Variants in CEP152 observed in about 807,000 individuals in gnomAD.
CEP152 encodes the protein centrosomal protein of 152 kDa.
CEP152 carries 132 observed loss-of-function variants against 188.9 expected under a neutral mutation model. The observed-to-expected ratio is 0.70, with a 90% CI of 0.61 to 0.81. The LOEUF (loss-of-function observed/expected upper bound fraction) is 0.81, where lower values mean the gene tolerates loss of function less well. CEP152 is among the 30% of genes least tolerant of loss of function. The pLI, the probability that CEP152 is intolerant of heterozygous loss-of-function variation, is 0.00. For synonymous variants in CEP152, 649 were observed against 666.6 expected (o/e 0.97, Z 0.41); for missense variants, 1,914 against 1,969.8 (o/e 0.97, Z 0.54).
At chr15:48,740,880 G>A in intron 26 of CEP152, 1 of 241,626 alleles carries the variant, frequency 4.1e-6, no homozygotes, top group Non-Finnish European at 6.7e-6. Flanking sequence ...GGGAGAAGAA[G>A]AAATAAAGAG....
chr15:48,765,640 T>A (rs1895015180), intron 17 of CEP152: 1 of 255,862 alleles, frequency 3.9e-6, no homozygotes, highest in South Asian at 3.1e-5. Context: ...TTGCCAATTT[T>A]TTTTTTTTTT....
Position 48,738,828 on chromosome 15 carries a change from T to A in CEP152, c.4554A>T (p.Gly1518=), listed in dbSNP as rs1892753581. ...PRCTPGPSES[G]CMHITFRDSN... ...AATCGCGAAAGGTTATATGCATGCA[T>A]CCTGATTCAGAAGGACCAGGGGTAC... Residue 1518 remains glycine (G), a synonymous_variant, in exon 27 of 27, where the codon GGA becomes GGT. Coordinates refer to ENST00000380950, the MANE Select transcript of CEP152 (RefSeq NM_001194998.2). The A allele has an allele frequency of 1.2e-6, 2 of 1,614,102 alleles. No individual in the cohort carries two copies. Among genetic ancestry groups the A allele is most frequent in the East Asian group, 2.2e-5 (1 of 44,904 alleles).
At chr15:48,801,530 C>T (rs1292010439) in intron 2 of CEP152, among the ~76,000 whole-genome samples, 1 of 152,222 alleles carries the variant, frequency 6.6e-6, no homozygotes, top group Non-Finnish European at 1.5e-5. Flanking sequence ...CCCGTCAACA[C>T]TAAATGATCC....
At chr15:48,787,419 C>T (rs891789543) in intron 9 of CEP152, among the ~76,000 whole-genome samples, 3 of 152,044 alleles carry the variant, frequency 2.0e-5, no homozygotes, top group Admixed American at 6.6e-5. Context: ...GATCCACCTG[C>T]CTCAACCTCC....
At chr15:48,732,365 G>A (rs571731299) in intron 2 of CEP152, among the ~76,000 whole-genome samples, 32 of 152,318 alleles carry the variant, frequency 2.1e-4, no homozygotes, top group Non-Finnish European at 1.6e-4. Flanking sequence ...AAAAAAGAAT[G>A]AGATCATGTC....
Position 48,767,361 on chromosome 15 carries a change from A to C in CEP152, c.2121T>G (p.Ala707=), listed in dbSNP as rs932228459. 1 of 1,614,090 alleles carries C rather than the reference A, an allele frequency of 6.2e-7. No individual in the cohort carries two copies. Among genetic ancestry groups the C allele is most frequent in the African/African-American group, 1.3e-5 (1 of 74,940 alleles). Residue 707 remains alanine (A), a synonymous_variant, in exon 16 of 27, where the codon GCT becomes GCG. Transcript: ENST00000380950. The part of the protein sequence containing the change: ...HALEKQQLFE[A]YERTHLQLRS... ...TCAGTTGCAAATGAGTTCTCTCATA[A>C]GCCTCAAAGAGCTGCTGCTTCTCCA...
intron 2 of CEP152, among the ~76,000 whole-genome samples, chr15:48,732,823 C>A (rs948176386): frequency 8.6e-5 from 13 of 151,836 alleles, no homozygotes; most frequent in African/African-American, 3.1e-4. Flanking sequence ...TATTAAAGAG[C>A]CAAATGTGGC....
intron 17 of CEP152, among the ~76,000 whole-genome samples, chr15:48,763,602 A>G (rs927284361): frequency 6.6e-6 from 1 of 151,502 alleles, no homozygotes; most frequent in African/African-American, 2.4e-5. Flanking sequence ...TGAACTCGGG[A>G]GGTGGAGGTT....
chr15:48,750,820 T>C lies in CEP152; in HGVS notation c.3466+1529A>G, dbSNP rs61706427. Among the ~76,000 whole-genome samples the C allele has an allele frequency of 5.4e-3, 821 of 152,278 alleles. 8 individuals carry two copies. The highest frequency in any genetic ancestry group is 0.019 in the African/African-American group (791 of 41,580). ...ACTTTTTGAGGGTACATACACATAATTAAAACATTAAAAAAGACAGTAATT... is the reference window on the plus strand; with the variant it reads ...ACTTTTTGAGGGTACATACACATAACTAAAACATTAAAAAAGACAGTAATT... On this transcript the variant is annotated intron_variant, in intron 21 of 26. Coordinates refer to ENST00000380950, the MANE Select transcript of CEP152 (RefSeq NM_001194998.2).
rs753044279 is a variant in CEP152 at position 48,782,146 on chromosome 15, G to C, written c.1406C>G (p.Ala469Gly). ...AHAMSANMNK[A>G]LQEELTELKD... Reference sequence around the variant, plus strand: ...CCAAGTGGCAACACTCACTTGCAAAGCCTTGTTCATGTTTGCACTCATAGC... The same window carrying C: ...CCAAGTGGCAACACTCACTTGCAAACCCTTGTTCATGTTTGCACTCATAGC... Residue 469 changes from alanine (A) to glycine (G), a missense_variant, in exon 11 of 27, where the codon GCT (alanine) becomes GGT (glycine). Coordinates refer to ENST00000380950, the MANE Select transcript of CEP152 (RefSeq NM_001194998.2). 1.9e-6 allele frequency: 3 copies of C among 1,613,622 alleles called. No individual in the cohort carries two copies. The East Asian group carries it at 6.7e-5, about 36-fold the overall frequency.
At chr15:48,793,945 ATATTT>A (rs1222215520) in intron 6 of CEP152, among the ~76,000 whole-genome samples, 1 of 152,194 alleles carries the variant, frequency 6.6e-6, no homozygotes, top group East Asian at 1.9e-4. Context: ...CAGCCTCAAA[ATATTT>A]TATTTTAGGC....
chr15:48,756,756 T>C (rs1033807651), intron 19 of CEP152, among the ~76,000 whole-genome samples: 1 of 152,218 alleles, frequency 6.6e-6, no homozygotes, highest in Non-Finnish European at 1.5e-5. Flanking sequence ...AATATGTTTA[T>C]ATGTATGTAT....
intron 9 of CEP152, among the ~76,000 whole-genome samples, chr15:48,786,286 T>C (rs573415102): frequency 1.1e-4 from 16 of 152,090 alleles, no homozygotes; most frequent in African/African-American, 3.6e-4. Context: ...GATAGTTTAC[T>C]AGGAGAGAAT....
intron 13 of CEP152, 63 bp downstream of exon 13, chr15:48,772,424 T>G (rs1595651557): frequency 3.6e-5 from 50 of 1,397,344 alleles, no homozygotes; most frequent in Middle Eastern, 2.0e-4. Context: ...AAAAAAAAAG[T>G]GTAAAAGTTT....
In CEP152 at chr15:48,772,462, T is replaced by C. The variant is rs1487540308; in HGVS notation, c.1782+25A>G. ...TTTATTGAGCCTTTTAAAAATGGTT[T>C]TTTAACTCTATAGGCTTTACATACC... On this transcript the variant is annotated intron_variant, in intron 13 of 26. Transcript: ENST00000380950. The C allele has an allele frequency of 5.0e-6, 8 of 1,598,846 alleles. No homozygotes were observed. In the Middle Eastern group the frequency reaches 4.9e-4, roughly 99 times the overall value.
intron 12 of CEP152, among the ~76,000 whole-genome samples, chr15:48,780,808 G>A (rs1378650871): frequency 1.3e-5 from 2 of 152,130 alleles, no homozygotes; most frequent in African/African-American, 4.8e-5. Flanking sequence ...TCTATTCCCA[G>A]AGCCTTGTAT....
intron 20 of CEP152, among the ~76,000 whole-genome samples, chr15:48,753,240 C>T (rs1004605655): frequency 2.0e-5 from 3 of 152,152 alleles, no homozygotes; most frequent in African/African-American, 4.8e-5. Flanking sequence ...CCAGTTCAAG[C>T]GATTCTCCTG....
intron 23 of CEP152, among the ~76,000 whole-genome samples, chr15:48,744,688 T>G (rs890295382): frequency 2.0e-5 from 3 of 152,124 alleles, no homozygotes; most frequent in African/African-American, 7.2e-5. Flanking sequence ...AAAAACACAT[T>G]GTGCATGTGG....
Position 48,791,289 on chromosome 15 carries a change from T to A in CEP152, c.920A>T (p.Gln307Leu). 1 of 1,613,190 alleles carries A rather than the reference T, an allele frequency of 6.2e-7. No homozygotes were observed. Among genetic ancestry groups the A allele is most frequent in the Non-Finnish European group, 8.5e-7 (1 of 1,179,838 alleles). ...GKEREIQLEAQIKALETQIQA... is the reference protein window; with the variant it reads ...GKEREIQLEALIKALETQIQA... ...TATCTGAGTCTCCAGTGCTTTTATT[T>A]GAGCTTCAAGCTGTATCTCTCTTTC... The change falls in exon 8 of 27, where the codon CAA becomes CTA. Residue 307 changes from glutamine to leucine, a missense_variant. Gln to Leu is a moderately radical substitution (Grantham distance 113). Coordinates refer to ENST00000380950, the MANE Select transcript of CEP152 (RefSeq NM_001194998.2).
Sources: allele counts gnomAD v4.1 joint callset (sites outside exome capture counted in the v4.1 genomes callset), GRCh38; gene constraint gnomAD v4.1.1; transcripts MANE v1.5; gene names NCBI Gene and HGNC (gene_info 2026-07-23, HGNC 2026-07-21).